The following KAT6A variants were observed in gnomAD, a reference collection of about 807,000 sequenced individuals.
KAT6A encodes the protein lysine acetyltransferase 6A.
In KAT6A, 9 loss-of-function variants were observed where a neutral mutation model predicts 198.4. The ratio of observed to expected loss-of-function variants is 0.05; its 90% CI spans 0.03 to 0.08. The LOEUF (loss-of-function observed/expected upper bound fraction) is 0.08. Ranked by LOEUF, KAT6A falls within the 10% of genes least tolerant of loss-of-function variation. The pLI is 1.00. For missense variants in KAT6A, 2,077 were observed against 2,509.9 expected, an observed-to-expected ratio of 0.83 and a Z score of 3.69; for synonymous variants, 890 against 883.0, an observed-to-expected ratio of 1.01 and a Z score of -0.14.
chr8:41,992,733 C>G (rs1189093006), intron 2 of KAT6A, among the ~76,000 whole-genome samples: 2 of 152,136 alleles, frequency 1.3e-5, no homozygotes, highest in African/African-American at 4.8e-5. Context: ...TACTTTAGGA[C>G]AGGGAAGCTA....
chr8:41,979,784 T>A (rs1171722510), intron 5 of KAT6A, among the ~76,000 whole-genome samples: 1 of 152,202 alleles, frequency 6.6e-6, no homozygotes, highest in Non-Finnish European at 1.5e-5. Context: ...ACAGATCACT[T>A]GAGGCCAGGA....
chr8:41,961,471 G>A (rs1482084896), intron 8 of KAT6A, among the ~76,000 whole-genome samples: 1 of 152,108 alleles, frequency 6.6e-6, no homozygotes, highest in Non-Finnish European at 1.5e-5. Context: ...GGGGAGAGGG[G>A]TGTGTGGGCA....
Position 41,956,541 on chromosome 8 carries a change from C to T in KAT6A, c.1483-1130G>A, listed in dbSNP as rs906487659. ...TTTATTCATTGGTTTTATATAAATC[C>T]GTTTAAAGAAGCCTCTTCACCATAA... On this transcript the variant is annotated intron_variant, in intron 8 of 16. Transcript: ENST00000265713. Among the ~76,000 whole-genome samples, 51 of 152,210 alleles carry T rather than the reference C, an allele frequency of 3.4e-4. 1 individual carries two copies. Among genetic ancestry groups the T allele is most frequent in the Middle Eastern group, 3.4e-3 (1 of 294 alleles).
chr8:42,030,923 T>G (rs1827077865), intron 2 of KAT6A, among the ~76,000 whole-genome samples: 1 of 151,258 alleles, frequency 6.6e-6, no homozygotes, highest in Non-Finnish European at 1.5e-5. Context: ...TGTGGTCTAC[T>G]GTTGACTGCA....
Position 41,937,243 on chromosome 8 carries a change from C to G in KAT6A, c.3352+13G>C. 1 of 1,603,880 alleles carries G rather than the reference C, an allele frequency of 6.2e-7. No homozygotes were observed. Among genetic ancestry groups the G allele is most frequent in the Non-Finnish European group, 8.5e-7 (1 of 1,172,968 alleles). ...GACAATAAACCACAGTAAGTGAGTT[C>G]TGTAAAACATACCATCAGCATCATC... On this transcript the variant is annotated intron_variant, in intron 16 of 16. Coordinates refer to ENST00000265713, the MANE Select transcript of KAT6A (RefSeq NM_006766.5).
chr8:41,994,934 T>C (rs935436420), intron 2 of KAT6A, among the ~76,000 whole-genome samples: 5 of 151,976 alleles, frequency 3.3e-5, no homozygotes, highest in African/African-American at 1.2e-4. Flanking sequence ...CAGGCACCTG[T>C]AATCCCAGCT....
intron 2 of KAT6A, among the ~76,000 whole-genome samples, chr8:41,989,278 G>A (rs1011957713): frequency 6.6e-6 from 1 of 152,158 alleles, no homozygotes; most frequent in African/African-American, 2.4e-5. Context: ...GGAGGCCGAG[G>A]CGGGCGGATC....
chr8:41,952,767 G>A (rs543538633), intron 9 of KAT6A, among the ~76,000 whole-genome samples: 15 of 152,258 alleles, frequency 9.9e-5, no homozygotes, highest in Middle Eastern at 3.4e-3. Context: ...TTTGGAAAAT[G>A]TAAGATCTCC....
chr8:42,000,746 A>T (rs1366055103), intron 2 of KAT6A, among the ~76,000 whole-genome samples: 1 of 152,200 alleles, frequency 6.6e-6, no homozygotes, highest in Admixed American at 6.5e-5. Context: ...TAACTGATAC[A>T]TATCTGATAG....
intron 2 of KAT6A, among the ~76,000 whole-genome samples, chr8:42,005,677 C>T (rs577992995): frequency 1.8e-4 from 27 of 152,110 alleles, no homozygotes; most frequent in Non-Finnish European, 2.6e-4. Context: ...GTTTTACAGG[C>T]TGCCAGCCCT....
At chr8:41,967,896 G>A (rs1334435751) in intron 8 of KAT6A, among the ~76,000 whole-genome samples, 1 of 152,180 alleles carries the variant, frequency 6.6e-6, no homozygotes, top group African/African-American at 2.4e-5. Context: ...TTTAATAAAT[G>A]GTGCTGGGAA....
In KAT6A at chr8:42,028,250, T is replaced by C. The variant is rs531564614; in HGVS notation, c.600+20128A>G. ...GTTCTGTAAATACCAGTCAGGTCCA[T>C]TTGGTGTAAAGTGTGGTTTAAATCC... On this transcript the variant is annotated intron_variant, in intron 2 of 16. Transcript: ENST00000265713. Among the ~76,000 whole-genome samples the C allele has an allele frequency of 3.3e-5, 5 of 152,282 alleles. No homozygotes were observed. The South Asian group carries it at 1.0e-3, about 32-fold the overall frequency.
At chr8:42,019,202 A>C (rs1049960696) in intron 2 of KAT6A, among the ~76,000 whole-genome samples, 1 of 152,220 alleles carries the variant, frequency 6.6e-6, no homozygotes, top group Non-Finnish European at 1.5e-5. Flanking sequence ...TGTTTGAGAT[A>C]CCTCTATTGA....
Position 41,947,828 on chromosome 8 carries a change from C to T in KAT6A, c.1825G>A (p.Asp609Asn). 1 of 1,609,846 alleles carries T rather than the reference C, an allele frequency of 6.2e-7. No individual in the cohort carries two copies. The highest frequency in any genetic ancestry group is 8.5e-7 in the Non-Finnish European group (1 of 1,178,856). Residue 609 changes from aspartate (D) to asparagine (N), a missense_variant, in exon 11 of 17, where the codon GAT becomes AAT. Around this residue, in one of 13 missense-constraint regions of KAT6A, gnomAD observed 6 missense variants for 35.7 expected, o/e 0.17. Transcript: ENST00000265713. ...LFLDHKTLYY[D>N]VEPFLFYVLT... The stretch of plus-strand genomic sequence containing the variant: ...ACATAAAAAAGAAATGGCTCCACAT[C>T]GTAATAGAGGGTTTTGTGGTCAAGA...
rs777890245 is a variant in KAT6A, at chr8:41,934,538, C to T, written c.3682G>A (p.Glu1228Lys). 1 of 1,612,806 alleles carries T rather than the reference C, an allele frequency of 6.2e-7. No individual in the cohort carries two copies. The highest frequency in any genetic ancestry group is 1.3e-5 in the African/African-American group (1 of 74,812). Reference protein sequence around the residue: ...PLPEERKEEEEMQAEAEEAEE... With the variant: ...PLPEERKEEEKMQAEAEEAEE... Reference sequence around the variant, plus strand: ...GCCTCTTCTGCCTCTGCTTGCATCTCCTCCTCCTCCTTCCTCTCCTCGGGT... The same window carrying T: ...GCCTCTTCTGCCTCTGCTTGCATCTTCTCCTCCTCCTTCCTCTCCTCGGGT... The change falls in exon 17 of 17, where the codon GAG becomes AAG. Residue 1228 changes from glutamate to lysine, a missense_variant. By Grantham distance (56) the Glu-to-Lys change is moderately conservative (BLOSUM62 1). Coordinates refer to ENST00000265713, the MANE Select transcript of KAT6A (RefSeq NM_006766.5).
chr8:41,984,363 T>G (rs1824502409), intron 3 of KAT6A, among the ~76,000 whole-genome samples: 2 of 152,198 alleles, frequency 1.3e-5, no homozygotes, highest in East Asian at 3.9e-4. Context: ...CAGGCATGCA[T>G]GCAGTCCTGT....
intron 9 of KAT6A, among the ~76,000 whole-genome samples, chr8:41,951,877 G>C (rs1822684128): frequency 6.6e-6 from 1 of 152,174 alleles, no homozygotes; most frequent in Non-Finnish European, 1.5e-5. Flanking sequence ...CAAGTCAAGT[G>C]AGATCAACCT....
Position 41,934,004 on chromosome 8 carries a change from A to G in KAT6A, c.4216T>C (p.Leu1406=). The change falls in exon 17 of 17, where the codon TTA becomes CTA. Residue 1406 remains leucine (L), a synonymous_variant. Coordinates refer to ENST00000265713, the MANE Select transcript of KAT6A (RefSeq NM_006766.5). ...HEEDSHTKEE[L]IELKEEEEIP... ...TCTTCCTCCTCTTTTAATTCGATTA[A>G]CTCTTCCTTAGTGTGGGAGTCTTCT... 1 of 1,610,916 alleles carries G rather than the reference A, an allele frequency of 6.2e-7. No homozygotes were observed. Among genetic ancestry groups the G allele is most frequent in the Non-Finnish European group, 8.5e-7 (1 of 1,179,004 alleles).
Position 42,048,673 on chromosome 8 carries a change from A to T in KAT6A, c.305T>A (p.Leu102Gln). 6.2e-7 allele frequency: 1 copy of T among 1,614,216 alleles called. No homozygotes were observed. Among genetic ancestry groups the T allele is most frequent in the East Asian group, 2.2e-5 (1 of 44,888 alleles). The change falls in exon 2 of 17, where the codon CTG becomes CAG. Residue 102 changes from leucine (L) to glutamine (Q), a missense_variant. Coordinates refer to ENST00000265713, the MANE Select transcript of KAT6A (RefSeq NM_006766.5). ...DNKQNVDWNK[L>Q]IKRAVEGLAE... The stretch of plus-strand genomic sequence containing the variant: ...CAAGCCCTCAACTGCCCGCTTTATC[A>T]GTTTATTCCAATCCACATTTTGTTT...
Sources: allele counts gnomAD v4.1 joint callset (sites outside exome capture counted in the v4.1 genomes callset), GRCh38; gene constraint gnomAD v4.1.1; regional missense constraint gnomAD v4.1.1; transcripts MANE v1.5; gene names NCBI Gene and HGNC (gene_info 2026-07-23, HGNC 2026-07-21).